Variants in ARK2C observed in about 807,000 individuals in gnomAD.
ARK2C encodes E3 ubiquitin-protein ligase ARK2C.
At chr18:46,398,308 C>T in the ARK2C span, among the ~76,000 whole-genome samples, 24 of 151,500 alleles carry the variant, frequency 1.6e-4, no homozygotes, top group African/African-American at 5.6e-4. Flanking sequence ...ACAGTGAGGC[C>T]GCAGGGCAGG....
the ARK2C span, among the ~76,000 whole-genome samples, chr18:46,398,526 C>T: frequency 3.3e-5 from 5 of 151,928 alleles, no homozygotes; most frequent in African/African-American, 4.8e-5. Flanking sequence ...GGACAGTGTC[C>T]GGTGAGATAT....
At chr18:46,361,476 C>A in the ARK2C span, among the ~76,000 whole-genome samples, 6 of 152,164 alleles carry the variant, frequency 3.9e-5, no homozygotes, top group African/African-American at 1.4e-4. Flanking sequence ...CAAAAAAAGG[C>A]AGACAGTGCC....
chr18:46,367,598 G>A, the ARK2C span, among the ~76,000 whole-genome samples: 1 of 152,168 alleles, frequency 6.6e-6, no homozygotes, highest in African/African-American at 2.4e-5. Context: ...TGAAGAGGTG[G>A]ACTGTAACTT....
chr18:46,425,867 C>T, the ARK2C span, among the ~76,000 whole-genome samples: 24 of 152,308 alleles, frequency 1.6e-4, no homozygotes, highest in African/African-American at 5.8e-4. Context: ...ATGCACTAAT[C>T]ACAGTTCTGG....
At chr18:46,421,737 G>C in the ARK2C span, among the ~76,000 whole-genome samples, 779 of 152,254 alleles carry the variant, frequency 5.1e-3, 2 homozygotes, top group Non-Finnish European at 9.2e-3. Context: ...TTTGCTGCTT[G>C]TTGGAAGCTT....
the ARK2C span, among the ~76,000 whole-genome samples, chr18:46,431,137 T>C: frequency 1.3e-5 from 2 of 152,212 alleles, no homozygotes; most frequent in African/African-American, 4.8e-5. Context: ...AGTGAGAGCA[T>C]GCGGTGTTTG....
chr18:46,409,327 G>A, the ARK2C span, among the ~76,000 whole-genome samples: 1 of 152,228 alleles, frequency 6.6e-6, no homozygotes, highest in Non-Finnish European at 1.5e-5. Flanking sequence ...AGTCCGGTGA[G>A]ATTGACGTGA....
the ARK2C span, among the ~76,000 whole-genome samples, chr18:46,431,987 G>A: frequency 8.5e-5 from 13 of 152,158 alleles, no homozygotes; most frequent in African/African-American, 3.1e-4. Flanking sequence ...GTTGACATCT[G>A]TTGCCTGCTG....
chr18:46,359,745 C>T, the ARK2C span, among the ~76,000 whole-genome samples: 2 of 152,222 alleles, frequency 1.3e-5, no homozygotes, highest in African/African-American at 4.8e-5. Context: ...ACTTATTGCT[C>T]TGCCATTCAC....
At chr18:46,396,937 T>TG in the ARK2C span, among the ~76,000 whole-genome samples, 2 of 152,256 alleles carry the variant, frequency 1.3e-5, no homozygotes, top group Admixed American at 6.5e-5. Flanking sequence ...CTGGGCAGCC[T>TG]GGGGGGTTCC....
At chr18:46,436,930 G>A in the ARK2C span, among the ~76,000 whole-genome samples, 4 of 152,218 alleles carry the variant, frequency 2.6e-5, no homozygotes, top group Admixed American at 6.5e-5. Flanking sequence ...ACACACACAA[G>A]GGCCTACAGG....
At chr18:46,450,435 G>A in the ARK2C span, 1 of 1,419,080 alleles carries the variant, frequency 7.0e-7, no homozygotes, top group Non-Finnish European at 1.0e-6. Flanking sequence ...CTGGGTTGGT[G>A]GAGATGCCAT....
At chr18:46,437,682 C>T in the ARK2C span, among the ~76,000 whole-genome samples, 3 of 152,164 alleles carry the variant, frequency 2.0e-5, no homozygotes. Context: ...GGGATACATC[C>T]CAAACCCCTC....
the ARK2C span, among the ~76,000 whole-genome samples, chr18:46,445,064 A>G: frequency 6.6e-6 from 1 of 151,886 alleles, no homozygotes; most frequent in Admixed American, 6.6e-5. Flanking sequence ...TGATTCTGGG[A>G]CATATTATCA....
At chr18:46,444,866 T>C in the ARK2C span, among the ~76,000 whole-genome samples, 1 of 152,322 alleles carries the variant, frequency 6.6e-6, no homozygotes, top group East Asian at 1.9e-4. Context: ...GTGAATTTCC[T>C]ATTTCAGACA....
chr18:46,395,012 G>A, the ARK2C span, among the ~76,000 whole-genome samples: 4 of 152,246 alleles, frequency 2.6e-5, no homozygotes, highest in East Asian at 3.9e-4. Flanking sequence ...AGCTTCTTTC[G>A]GACCAAGAAT....
the ARK2C span, among the ~76,000 whole-genome samples, chr18:46,374,589 G>A: frequency 1.3e-4 from 19 of 151,804 alleles, no homozygotes; most frequent in African/African-American, 4.4e-4. Context: ...CCCTGTGTCA[G>A]GATTTCATTC....
the ARK2C span, among the ~76,000 whole-genome samples, chr18:46,418,948 T>C: frequency 1.2e-4 from 18 of 152,364 alleles, no homozygotes; most frequent in African/African-American, 4.1e-4. Flanking sequence ...TGTGTTGCCC[T>C]CTTTTGGGCA....
chr18:46,433,247 T>G, the ARK2C span: 15 of 1,607,722 alleles, frequency 9.3e-6, no homozygotes, highest in East Asian at 2.2e-4. Flanking sequence ...CACTTCCACC[T>G]GGGCCCCCCG....
Sources: gnomAD v4.1 joint callset for allele counts (sites outside exome capture counted in the v4.1 genomes callset) on GRCh38, gnomAD v4.1.1 for gene constraint, MANE v1.5 for transcripts, NCBI Gene and HGNC (gene_info 2026-07-23, HGNC 2026-07-21) for gene names.